TSHZ2: variants seen among roughly 807,000 people sequenced by gnomAD.
The protein encoded by TSHZ2 is teashirt zinc finger homeobox 2, also known as teashirt homolog 2.
Under a neutral mutation model 74.4 loss-of-function variants are expected in TSHZ2, and 21 were observed. That is an observed-to-expected ratio of 0.28 (90% CI 0.20 to 0.41). The LOEUF is 0.41. Among genes scored for constraint, TSHZ2 ranks in the 10% least tolerant of loss-of-function variants. The probability of loss-of-function intolerance (pLI) is 1.00; values close to 1 mark genes in which losing one functional copy is unlikely to be tolerated. For missense variants in TSHZ2, 1,244 were observed against 1,293.5 expected, an observed-to-expected ratio of 0.96 and a Z score of 0.59; for synonymous variants, 540 against 515.3, an observed-to-expected ratio of 1.05 and a Z score of -0.65.
At chr20:53,040,705 T>C (rs1984007527) in intron 1 of TSHZ2, among the ~76,000 whole-genome samples, 1 of 152,108 alleles carries the variant, frequency 6.6e-6, no homozygotes, top group Non-Finnish European at 1.5e-5. Context: ...CATTTTGTTT[T>C]GTTTTTCCTG....
intron 2 of TSHZ2, among the ~76,000 whole-genome samples, chr20:53,474,261 G>C (rs1410495962): frequency 2.1e-5 from 3 of 142,094 alleles, no homozygotes; most frequent in Non-Finnish European, 4.6e-5. Context: ...CAGAGAGAAA[G>C]GTCGGGTTAC....
At chr20:53,298,588 G>C (rs1267252901) in intron 2 of TSHZ2, among the ~76,000 whole-genome samples, 3 of 152,226 alleles carry the variant, frequency 2.0e-5, no homozygotes, top group African/African-American at 7.2e-5. Flanking sequence ...ATAGTACTGA[G>C]GCAGGGAGCG....
chr20:53,427,006 G>A (rs920939367), intron 2 of TSHZ2, among the ~76,000 whole-genome samples: 1 of 151,940 alleles, frequency 6.6e-6, no homozygotes, highest in African/African-American at 2.4e-5. Context: ...TGATTGACGG[G>A]GTCAGATCTT....
chr20:53,411,355 G>A (rs66482947), intron 2 of TSHZ2, among the ~76,000 whole-genome samples: 14,002 of 152,168 alleles, frequency 0.092, 1,032 homozygotes, highest in East Asian at 0.3. Context: ...GGCAGCCTGC[G>A]GACTCTGGGT....
intron 2 of TSHZ2, among the ~76,000 whole-genome samples, chr20:53,468,688 C>CAAAAAAAAAAAAAA (rs1158529552): frequency 6.1e-5 from 4 of 65,392 alleles, no homozygotes; most frequent in Non-Finnish European, 9.0e-5. Flanking sequence ...CATTACGAGA[C>CAAAAAAAAAAAAAA]AAAAAAAAAA....
At chr20:53,011,667 A>G (rs1206600839) in intron 1 of TSHZ2, among the ~76,000 whole-genome samples, 2 of 151,132 alleles carry the variant, frequency 1.3e-5, no homozygotes, top group Non-Finnish European at 3.0e-5. Context: ...TGTTTGTTTC[A>G]TGGTTAATTA....
At chr20:52,991,386 T>C (rs1981984479) in intron 1 of TSHZ2, among the ~76,000 whole-genome samples, 1 of 145,230 alleles carries the variant, frequency 6.9e-6, no homozygotes, top group Non-Finnish European at 1.5e-5. Flanking sequence ...ATGTATGTTG[T>C]GGGTATCAGT....
intron 1 of TSHZ2, among the ~76,000 whole-genome samples, chr20:53,211,101 T>C (rs1346415600): frequency 3.3e-5 from 5 of 152,234 alleles, no homozygotes; most frequent in African/African-American, 1.2e-4. Context: ...ATTTGCTATG[T>C]ATGCCAGACT....
intron 1 of TSHZ2, among the ~76,000 whole-genome samples, chr20:52,997,368 C>G (rs2122944871): frequency 6.6e-6 from 1 of 152,166 alleles, no homozygotes; most frequent in South Asian, 2.1e-4. Context: ...GACTGGCAGT[C>G]CTGAGATTTC....
Position 53,110,257 on chromosome 20 carries a change from G to A in TSHZ2, c.40+136924G>A, listed in dbSNP as rs558644142. ...TTGTGCTAGCCCTAGGTAAGTTATG[G>A]CTCCGCAAAACAAGGACAGCCAAAT... On this transcript the variant is annotated intron_variant, in intron 1 of 2. Transcript: ENST00000371497. Among the ~76,000 whole-genome samples the A allele has an allele frequency of 7.4e-4, 112 of 151,850 alleles. 1 individual carries two copies. The highest frequency in any genetic ancestry group is 2.6e-3 in the African/African-American group (109 of 41,388).
chr20:53,245,978 G>A (rs1323304623), intron 1 of TSHZ2, among the ~76,000 whole-genome samples: 4 of 151,766 alleles, frequency 2.6e-5, no homozygotes, highest in African/African-American at 9.7e-5. Flanking sequence ...AAAATACCTG[G>A]CAATCCCAAA....
chr20:53,007,021 C>A (rs775039869), intron 1 of TSHZ2, among the ~76,000 whole-genome samples: 1 of 152,186 alleles, frequency 6.6e-6, no homozygotes, highest in Non-Finnish European at 1.5e-5. Context: ...GCCCTCATGA[C>A]ACTTGTAAAT....
intron 2 of TSHZ2, among the ~76,000 whole-genome samples, chr20:53,419,771 C>T (rs955898559): frequency 6.6e-6 from 1 of 152,178 alleles, no homozygotes; most frequent in Non-Finnish European, 1.5e-5. Flanking sequence ...CTGACAAACA[C>T]GGGACATGTG....
At chr20:53,436,511 C>T (rs1015896578) in intron 2 of TSHZ2, among the ~76,000 whole-genome samples, 10 of 138,172 alleles carry the variant, frequency 7.2e-5, no homozygotes, top group Non-Finnish European at 7.8e-5. Flanking sequence ...GGCCCCAGGG[C>T]TTATTTTATT....
intron 2 of TSHZ2, among the ~76,000 whole-genome samples, chr20:53,368,979 A>G (rs2145618531): frequency 6.6e-6 from 1 of 152,298 alleles, no homozygotes; most frequent in East Asian, 1.9e-4. Flanking sequence ...GATTCAGTAG[A>G]GGCCTAGCAT....
intron 2 of TSHZ2, among the ~76,000 whole-genome samples, chr20:53,301,890 C>T (rs1212212871): frequency 6.6e-6 from 1 of 152,128 alleles, no homozygotes; most frequent in Non-Finnish European, 1.5e-5. Flanking sequence ...GAATACATCT[C>T]GCATTTAGCA....
At chr20:53,388,477 C>G (rs896307389) in intron 2 of TSHZ2, among the ~76,000 whole-genome samples, 1 of 152,246 alleles carries the variant, frequency 6.6e-6, no homozygotes, top group African/African-American at 2.4e-5. Context: ...TGATACAACA[C>G]TGAAGGTGGG....
intron 1 of TSHZ2, among the ~76,000 whole-genome samples, chr20:53,156,456 G>C (rs954283544): frequency 1.3e-5 from 2 of 152,180 alleles, no homozygotes; most frequent in African/African-American, 4.8e-5. Flanking sequence ...ACACATTCCA[G>C]AAGGAGAGCA....
intron 1 of TSHZ2, 57 bp from the exon 2 acceptor site, chr20:53,253,442 T>A: frequency 1.3e-6 from 2 of 1,523,024 alleles, no homozygotes; most frequent in Admixed American, 4.3e-5. Context: ...TGTGAGGAAA[T>A]TGGAATGGAA....
Sources: allele counts gnomAD v4.1 joint callset (sites outside exome capture counted in the v4.1 genomes callset), GRCh38; gene constraint gnomAD v4.1.1; transcripts MANE v1.5; gene names NCBI Gene and HGNC (gene_info 2026-07-23, HGNC 2026-07-21).